CHEK1: variants seen among roughly 807,000 people sequenced by gnomAD.
CHEK1 encodes serine/threonine-protein kinase Chk1.
In CHEK1, 32 loss-of-function variants were observed where a neutral mutation model predicts 60.2. The ratio of observed to expected loss-of-function variants is 0.53; its 90% CI spans 0.40 to 0.71. CHEK1 has a LOEUF of 0.71. CHEK1 is among the 30% of genes least tolerant of loss of function. The pLI is 0.00. For synonymous variants in CHEK1, 179 were observed against 187.2 expected, an observed-to-expected ratio of 0.96 and a Z score of 0.36; for missense variants, 399 against 564.6, an observed-to-expected ratio of 0.71 and a Z score of 2.97.
At chr11:125,631,632 C>A (rs986868132) in intron 5 of CHEK1, among the ~76,000 whole-genome samples, 1 of 150,346 alleles carries the variant, frequency 6.7e-6, no homozygotes, top group African/African-American at 2.5e-5. Context: ...TGAGGTGGGA[C>A]GATTGAGTGA....
intron 7 of CHEK1, 116 bp from the exon 8 acceptor site, chr11:125,637,333 C>A (rs1341806735): frequency 4.5e-6 from 3 of 660,634 alleles, no homozygotes; most frequent in Admixed American, 3.6e-5. Context: ...TCTTTCTCTT[C>A]CCCAGGAATA....
intron 13 of CHEK1, among the ~76,000 whole-genome samples, chr11:125,666,735 A>T (rs1373114881): frequency 6.6e-6 from 1 of 152,116 alleles, no homozygotes; most frequent in Non-Finnish European, 1.5e-5. Flanking sequence ...CTTCTTTAAC[A>T]ATCTATAAGG....
rs549988175 is a variant in CHEK1, at chr11:125,637,088, T to C, written c.719-361T>C. On this transcript the variant is annotated intron_variant, in intron 7 of 12. Transcript: ENST00000438015. ...AGTAAATGTTCATTATAAAACTGTG[T>C]GAATAAGGAGGTCACGTGAGAACAT... is the stretch of plus-strand genomic sequence containing the variant. 2.6e-5 allele frequency among the ~76,000 whole-genome samples: 4 copies of C among 152,284 alleles called. No individual in the cohort carries two copies. The South Asian group carries it at 8.3e-4, about 32-fold the overall frequency.
chr11:125,645,253 G>A (rs1382997705), intron 11 of CHEK1, among the ~76,000 whole-genome samples: 2 of 152,058 alleles, frequency 1.3e-5, no homozygotes, highest in African/African-American at 4.8e-5. Flanking sequence ...TACTTAAACT[G>A]TAGACAATAA....
At position 125,625,863 on chromosome 11, in the gene CHEK1, C is replaced by T. The variant is rs544839853; in HGVS notation, c.-170C>T. On this transcript the variant is annotated 5_prime_UTR_variant, in exon 1 of 13. Transcript: ENST00000438015. ...CATCTCCACGTCACCCTTTTGGAGC[C>T]GCCGACATTCAGAGGGGCAGGACAC... The T allele has an allele frequency of 1.2e-3, 830 of 702,640 alleles. 3 individuals are homozygous for T. Among genetic ancestry groups the T allele is most frequent in the South Asian group, 3.6e-3 (244 of 67,596 alleles). 43.5% of individuals were successfully genotyped at this position (702,640 alleles called of 1,614,324 possible).
intron 11 of CHEK1, among the ~76,000 whole-genome samples, chr11:125,651,286 C>T (rs189295663): frequency 0.12 from 15,249 of 128,228 alleles, 1,132 homozygotes; most frequent in Admixed American, 0.25. Context: ...AGACAAGCCT[C>T]TTTTTTTTTT....
intron 5 of CHEK1, among the ~76,000 whole-genome samples, chr11:125,632,459 A>G (rs1940902175): frequency 1.3e-5 from 2 of 152,138 alleles, no homozygotes; most frequent in South Asian, 4.1e-4. Context: ...TATAACCTTC[A>G]TAACAGTTTT....
intron 12 of CHEK1, among the ~76,000 whole-genome samples, chr11:125,654,715 T>TA (rs1462421915): frequency 2.0e-5 from 3 of 152,212 alleles, no homozygotes; most frequent in Admixed American, 6.5e-5. Context: ...GCTGCTGTGT[T>TA]AGAGCATTTG....
chr11:125,661,647 C>T (rs1025199312), downstream of CHEK1, among the ~76,000 whole-genome samples: 4 of 152,114 alleles, frequency 2.6e-5, no homozygotes, highest in Middle Eastern at 3.4e-3. Context: ...TGTATTTATC[C>T]TCCTCTCCTA....
At chr11:125,677,172 A>G (rs570233768), downstream of CHEK1, among the ~76,000 whole-genome samples, 2 of 152,346 alleles carry the variant, frequency 1.3e-5, no homozygotes, top group South Asian at 4.1e-4. Flanking sequence ...CTGAAAATTT[A>G]GAATAATGAT....
In CHEK1 at chr11:125,635,482, GA is replaced by G. The variant is rs757716680; in HGVS notation, c.676del (p.Thr226HisfsTer14). On this transcript the variant is annotated frameshift_variant, in exon 7 of 13. Transcript: ENST00000438015. LOFTEE classifies it high-confidence loss of function. Reference protein sequence around the residue: ...DSCQEYSDWKEKKTYLNPWKK... With the variant: ...DSCQEYSDWKXKKTYLNPWKK... ...CTGTCAGGAGTATTCTGACTGGAAAGAAAAAAAAACATACCTCAACCCTTGG... is the reference window on the plus strand; with the variant it reads ...CTGTCAGGAGTATTCTGACTGGAAAGAAAAAAAACATACCTCAACCCTTGG... The G allele has an allele frequency of 1.6e-5, 25 of 1,576,604 alleles. No homozygotes were observed. Among genetic ancestry groups the G allele is most frequent in the Admixed American group, 1.2e-4 (7 of 57,596 alleles).
chr11:125,627,988 A>G (rs1940694711), intron 3 of CHEK1, among the ~76,000 whole-genome samples, 158 bp downstream of exon 3: 1 of 152,236 alleles, frequency 6.6e-6, no homozygotes, highest in Admixed American at 6.5e-5. Flanking sequence ...TGGTGTTAAT[A>G]ACATAAAAGC....
chr11:125,628,998 G>T (rs1565362847), intron 3 of CHEK1, among the ~76,000 whole-genome samples: 1 of 152,150 alleles, frequency 6.6e-6, no homozygotes, highest in Non-Finnish European at 1.5e-5. Flanking sequence ...TTGCATTCTT[G>T]ATTTGGATAT....
chr11:125,678,322 G>A (rs769808411), downstream of CHEK1: 8 of 1,607,168 alleles, frequency 5.0e-6, no homozygotes, highest in Non-Finnish European at 6.8e-6. Flanking sequence ...GAACAGAAGA[G>A]AGTTGGTGAA....
In CHEK1 at chr11:125,634,735, G is replaced by T. The variant is rs3731412; in HGVS notation, c.614-694G>T. Among the ~76,000 whole-genome samples, 978 of 152,184 alleles carry T rather than the reference G, an allele frequency of 6.4e-3. 7 individuals are homozygous for T. The highest frequency in any genetic ancestry group is 0.022 in the African/African-American group (933 of 41,514). On this transcript the variant is annotated intron_variant, in intron 6 of 12. Coordinates refer to ENST00000438015, the MANE Select transcript of CHEK1 (RefSeq NM_001114122.3). ...ACCAGGACCTAATTACGTCTCAAAG[G>T]CCCCACCTCCGAATGCCATTGCATT... is the stretch of plus-strand genomic sequence containing the variant.
At chr11:125,651,286 CT>C (rs59057522) in intron 11 of CHEK1, among the ~76,000 whole-genome samples, 21,367 of 127,752 alleles carry the variant, frequency 0.17, 1,464 homozygotes, top group African/African-American at 0.24. Context: ...AGACAAGCCT[CT>C]TTTTTTTTTT....
At chr11:125,634,426 G>A (rs1294394794) in intron 6 of CHEK1, among the ~76,000 whole-genome samples, 1 of 151,884 alleles carries the variant, frequency 6.6e-6, no homozygotes, top group African/African-American at 2.4e-5. Flanking sequence ...AGGCTCAAGC[G>A]ATCCTCCTGC....
At chr11:125,677,985 T>C, downstream of CHEK1, 1 of 1,613,768 alleles carries the variant, frequency 6.2e-7, no homozygotes, top group Non-Finnish European at 8.5e-7. Flanking sequence ...GGAGAGGTGT[T>C]CACCTGAAGG....
At chr11:125,679,745 A>C (rs1942710051), downstream of CHEK1, among the ~76,000 whole-genome samples, 3 of 152,252 alleles carry the variant, frequency 2.0e-5, no homozygotes, top group Admixed American at 1.3e-4. Flanking sequence ...TCAAAACTCT[A>C]AGAATCTTGC....
Sources: gnomAD v4.1 joint callset for allele counts (sites outside exome capture counted in the v4.1 genomes callset) on GRCh38, gnomAD v4.1.1 for gene constraint, MANE v1.5 for transcripts, NCBI Gene and HGNC (gene_info 2026-07-23, HGNC 2026-07-21) for gene names.